Variants in RAB36 observed in about 807,000 individuals in gnomAD.
The protein encoded by RAB36 is ras-related protein Rab-36.
Under a neutral mutation model 39.3 loss-of-function variants are expected in RAB36, and 33 were observed. The ratio of observed to expected loss-of-function variants is 0.84; its 90% CI spans 0.64 to 1.12. The LOEUF is 1.12. Among genes scored for constraint, RAB36 ranks in the 50% most tolerant of loss-of-function variants. RAB36 has a pLI of 0.00. For missense variants in RAB36, 308 were observed against 355.3 expected, an observed-to-expected ratio of 0.87 and a Z score of 1.07; for synonymous variants, 133 against 140.2, an observed-to-expected ratio of 0.95 and a Z score of 0.36.
chr22:23,146,538 A>G, intron 1 of RAB36, 67 bp from the exon 2 acceptor site: 1 of 1,571,902 alleles, frequency 6.4e-7, no homozygotes, highest in Non-Finnish European at 8.7e-7. Context: ...TTAGGTGGAA[A>G]CTCATGGGTG....
At chr22:23,148,780 T>C (rs2070944189) in intron 2 of RAB36, among the ~76,000 whole-genome samples, 1 of 152,194 alleles carries the variant, frequency 6.6e-6, no homozygotes, top group African/African-American at 2.4e-5. Context: ...CTTCCAGCCA[T>C]CCTGTAATGA....
At position 23,160,934 on chromosome 22, in the gene RAB36, G is replaced by C. The variant is rs5759611; in HGVS notation, c.675G>C (p.Ser225=). ...SRVAALAFEQ[S]VLQDLERQSS... The stretch of plus-strand genomic sequence containing the variant: ...TAGCCGCCCTGGCATTCGAGCAGTC[G>C]GTGCTGCAGGACCTGGAGAGGCAGA... Residue 225 remains serine (S), a synonymous_variant, in exon 10 of 11, where the codon TCG becomes TCC. Transcript: ENST00000263116. 2 of 1,613,268 alleles carry C rather than the reference G, an allele frequency of 1.2e-6. No individual in the cohort carries two copies. The highest frequency in any genetic ancestry group is 1.7e-6 in the Non-Finnish European group (2 of 1,179,672).
chr22:23,166,259 A>G (rs1202732872), downstream of RAB36, among the ~76,000 whole-genome samples: 1 of 142,686 alleles, frequency 7.0e-6, no homozygotes, highest in Non-Finnish European at 1.5e-5. Flanking sequence ...TTTGGCCAAA[A>G]TGGGGCATTT....
At chr22:23,145,629 G>A in intron 1 of RAB36, 78 bp downstream of exon 1, 2 of 1,453,104 alleles carry the variant, frequency 1.4e-6, no homozygotes, top group East Asian at 2.4e-5. Flanking sequence ...CCAGGGCCGC[G>A]AGGGCACAGC....
chr22:23,145,514 C>A lies in RAB36; in HGVS notation c.-50C>A, dbSNP rs9624036. Reference sequence around the variant, plus strand: ...ATCGCCGCCGCTGGCTCAGGCGGACCAGGCCGCGCGGAGCCCCAGCTTTCA... The same window carrying A: ...ATCGCCGCCGCTGGCTCAGGCGGACAAGGCCGCGCGGAGCCCCAGCTTTCA... On this transcript the variant is annotated 5_prime_UTR_variant, in exon 1 of 11. Coordinates refer to ENST00000263116, the MANE Select transcript of RAB36 (RefSeq NM_004914.5). The A allele has an allele frequency of 1.8e-5, 29 of 1,605,050 alleles. No homozygotes were observed. The highest frequency in any genetic ancestry group is 2.5e-5 in the Non-Finnish European group (29 of 1,179,516).
intron 5 of RAB36, chr22:23,153,470 G>T (rs2071279218): frequency 1.5e-6 from 1 of 673,102 alleles, no homozygotes; most frequent in Non-Finnish European, 1.8e-6. Flanking sequence ...CACTCACCAG[G>T]CCAGCAGGGT....
chr22:23,151,024 G>A (rs1319794944), intron 3 of RAB36, among the ~76,000 whole-genome samples: 3 of 152,214 alleles, frequency 2.0e-5, no homozygotes, highest in African/African-American at 7.2e-5. Flanking sequence ...TAACAAATAG[G>A]TACAAGGGCC....
rs1368519228 is a variant in RAB36 at position 23,158,900 on chromosome 22, AG to A, written c.450del (p.Gln150HisfsTer7). ...CAGCCTCTCTCCTTACACTCCAGGC[AG>A]TGGTTGGAGGATGCTCTGAGGGAGA... Reference protein sequence around the residue: ...TDVQTLEHTRQWLEDALRENE... With the variant: ...TDVQTLEHTRXWLEDALRENE... On this transcript the variant is annotated frameshift_variant, in exon 8 of 11. Coordinates refer to ENST00000263116, the MANE Select transcript of RAB36 (RefSeq NM_004914.5). LOFTEE classifies it high-confidence loss of function. 6.2e-7 allele frequency: 1 copy of A among 1,613,970 alleles called. No homozygotes were observed.
Position 23,161,656 on chromosome 22 carries a change from A to G in RAB36, c.*92A>G. ...GTGGAGACTGGAGCCCAAGCTCTGC[A>G]GCGTGTCGCCCTCAAGCTGTAGGCC... On this transcript the variant is annotated 3_prime_UTR_variant, in exon 11 of 11. Transcript: ENST00000263116. 8.6e-7 allele frequency: 1 copy of G among 1,161,804 alleles called. No individual in the cohort carries two copies. Among genetic ancestry groups the G allele is most frequent in the South Asian group, 1.4e-5 (1 of 70,140 alleles). The allele number at this position is 1,161,804 out of a possible 1,614,324, so 72.0% of individuals were successfully genotyped here.
At chr22:23,161,422 G>T (rs2071789714) in intron 10 of RAB36, 78 bp from the exon 11 acceptor site, 2 of 1,290,520 alleles carry the variant, frequency 1.5e-6, no homozygotes, top group East Asian at 4.8e-5. Flanking sequence ...AGCTCTGACT[G>T]TCAGGGCCGG....
At chr22:23,156,956 C>T (rs1023437055) in intron 6 of RAB36, among the ~76,000 whole-genome samples, 4 of 152,180 alleles carry the variant, frequency 2.6e-5, no homozygotes, top group Admixed American at 6.5e-5. Context: ...TTGGGAGGGG[C>T]GTGGGTCTCC....
chr22:23,164,833 T>C lies in RAB36; in HGVS notation c.*3269T>C, dbSNP rs546786290. Among the ~76,000 whole-genome samples the C allele has an allele frequency of 9.5e-4, 144 of 152,282 alleles. 1 individual carries two copies. Among genetic ancestry groups the C allele is most frequent in the African/African-American group, 3.4e-3 (141 of 41,568 alleles). On this transcript the variant is annotated 3_prime_UTR_variant, in exon 11 of 11. Transcript: ENST00000263116. ...AAGCAGGTCCTCTCCTGTCACTTCCTGGCTCCCCAGGGCTAGGTCCCAGGG... is the reference window on the plus strand; with the variant it reads ...AAGCAGGTCCTCTCCTGTCACTTCCCGGCTCCCCAGGGCTAGGTCCCAGGG...
chr22:23,161,105 C>T, intron 10 of RAB36, 107 bp downstream of exon 10: 1 of 1,348,962 alleles, frequency 7.4e-7, no homozygotes, highest in Non-Finnish European at 1.0e-6. Context: ...AACTTGTGGC[C>T]CTCTCCTGTC....
At chr22:23,157,177 C>T (rs928181414) in intron 6 of RAB36, among the ~76,000 whole-genome samples, 9 of 152,090 alleles carry the variant, frequency 5.9e-5, no homozygotes, top group Admixed American at 1.3e-4. Context: ...GAAGTTGTTT[C>T]GCTAAAGCAG....
Position 23,152,484 on chromosome 22 carries a change from T to TG in RAB36, c.187dup (p.Val63GlyfsTer21). On this transcript the variant is annotated frameshift_variant, in exon 4 of 11. Coordinates refer to ENST00000263116, the MANE Select transcript of RAB36 (RefSeq NM_004914.5). LOFTEE classifies it high-confidence loss of function. ...AGGCTCAAACTCTCCAAGGTGGTGG[T>TG]GGTTGGCGATCTCTACGTGGGGAAG... 1 of 1,614,098 alleles carries TG rather than the reference T, an allele frequency of 6.2e-7. No homozygotes were observed. The highest frequency in any genetic ancestry group is 8.5e-7 in the Non-Finnish European group (1 of 1,180,008).
intron 9 of RAB36, 52 bp downstream of exon 9, chr22:23,159,305 C>T (rs1233294542): frequency 3.3e-6 from 5 of 1,505,894 alleles, no homozygotes; most frequent in Non-Finnish European, 4.5e-6. Flanking sequence ...GCTCTTGGGC[C>T]AGTCCTGTGG....
At chr22:23,168,295 G>A (rs762462895), downstream of RAB36, among the ~76,000 whole-genome samples, 1 of 152,104 alleles carries the variant, frequency 6.6e-6, no homozygotes, top group Non-Finnish European at 1.5e-5. Flanking sequence ...GGCCCCCGGG[G>A]ATGCTGACAG....
intron 3 of RAB36, 128 bp downstream of exon 3, chr22:23,150,282 A>C: frequency 1.5e-6 from 1 of 662,138 alleles, no homozygotes; most frequent in Non-Finnish European, 2.6e-6. Flanking sequence ...CCTGAAGATG[A>C]CTGGGGTTTT....
In RAB36 at chr22:23,162,147, G is replaced by T. The variant is rs182133673; in HGVS notation, c.*583G>T. The T allele has an allele frequency of 4.0e-3, 684 of 169,718 alleles. 4 individuals are homozygous for T. Among genetic ancestry groups the T allele is most frequent in the South Asian group, 0.018 (117 of 6,514 alleles). 10.5% of individuals were successfully genotyped at this position (169,718 alleles called of 1,614,324 possible). On this transcript the variant is annotated 3_prime_UTR_variant, in exon 11 of 11. Coordinates refer to ENST00000263116, the MANE Select transcript of RAB36 (RefSeq NM_004914.5). ...TGTCCTTCTGCCACGGATGCTCAAG[G>T]TTCCTGGGCAGACCAGCACCTCTGG...
Sources: gnomAD v4.1 joint callset for allele counts (sites outside exome capture counted in the v4.1 genomes callset) on GRCh38, gnomAD v4.1.1 for gene constraint, MANE v1.5 for transcripts, NCBI Gene and HGNC (gene_info 2026-07-23, HGNC 2026-07-21) for gene names.